ZBTB38: variants seen among roughly 807,000 people sequenced by gnomAD.
The protein encoded by ZBTB38 is zinc finger and BTB domain containing 38.
ZBTB38 carries 20 observed loss-of-function variants against 76.8 expected under a neutral mutation model. That is an observed-to-expected ratio of 0.26 (90% CI 0.18 to 0.38). ZBTB38 has a LOEUF of 0.38. Among genes scored for constraint, ZBTB38 ranks in the 10% least tolerant of loss-of-function variants. The pLI, the probability that ZBTB38 is intolerant of heterozygous loss-of-function variation, is 1.00. For missense variants in ZBTB38, 1,082 were observed against 1,482.3 expected, an observed-to-expected ratio of 0.73 and a Z score of 4.43; for synonymous variants, 504 against 544.2, an observed-to-expected ratio of 0.93 and a Z score of 1.03.
chr3:141,414,844 G>A (rs943331432), intron 5 of ZBTB38, among the ~76,000 whole-genome samples: 1 of 152,142 alleles, frequency 6.6e-6, no homozygotes, highest in Non-Finnish European at 1.5e-5. Context: ...ACTAGGCCTA[G>A]ACTGGGACAA....
At position 141,374,953 on chromosome 3, in the gene ZBTB38, G is replaced by A. The variant is rs1436108411; in HGVS notation, c.-235+5007G>A. Among the ~76,000 whole-genome samples the A allele has an allele frequency of 4.0e-5, 6 of 151,214 alleles. 1 individual carries two copies. The highest frequency in any genetic ancestry group is 8.8e-5 in the Non-Finnish European group (6 of 68,004). On this transcript the variant is annotated intron_variant, in intron 2 of 5. Transcript: ENST00000321464. Reference sequence around the variant, plus strand: ...AAAATGCATGCTGCTAGGCCCCAGTGGTATTGGAAGCTCTGAGGAGGAGCC... The same window carrying A: ...AAAATGCATGCTGCTAGGCCCCAGTAGTATTGGAAGCTCTGAGGAGGAGCC...
At chr3:141,394,794 C>T (rs1456207427) in intron 4 of ZBTB38, among the ~76,000 whole-genome samples, 29 of 152,184 alleles carry the variant, frequency 1.9e-4, no homozygotes, top group Admixed American at 1.9e-3. Flanking sequence ...TCCTGCTAAG[C>T]TCTTATGGGA....
upstream of ZBTB38, among the ~76,000 whole-genome samples, chr3:141,364,000 T>G (rs1943888675): frequency 6.6e-6 from 1 of 152,170 alleles, no homozygotes; most frequent in South Asian, 2.1e-4. Flanking sequence ...AATTAAAAAC[T>G]TTTATGCTTC....
At chr3:141,409,384 A>T (rs1955853053) in intron 5 of ZBTB38, among the ~76,000 whole-genome samples, 1 of 152,130 alleles carries the variant, frequency 6.6e-6, no homozygotes, top group South Asian at 2.1e-4. Context: ...TGTCTGACTC[A>T]CAAGGCCAGC....
At chr3:141,411,294 A>G (rs1956537079) in intron 5 of ZBTB38, among the ~76,000 whole-genome samples, 1 of 152,200 alleles carries the variant, frequency 6.6e-6, no homozygotes, top group Non-Finnish European at 1.5e-5. Flanking sequence ...AGACACCTAA[A>G]TGAGGATTTC....
chr3:141,407,289 C>G (rs747253805), intron 5 of ZBTB38, among the ~76,000 whole-genome samples: 2 of 152,208 alleles, frequency 1.3e-5, no homozygotes, highest in Non-Finnish European at 2.9e-5. Context: ...TCAGATAAAT[C>G]TAGTTTCACA....
Position 141,445,544 on chromosome 3 carries a change from C to T in ZBTB38, c.3156C>T (p.Asn1052=). ...TCGRCFSVQG[N]LQKHERIHLG... ...GACGGTGCTTTTCGGTGCAAGGAAA[C>T]TTACAGAAACATGAACGCATCCACC... The change falls in exon 6 of 6, where the codon AAC becomes AAT. Residue 1052 remains asparagine, a synonymous_variant. Coordinates refer to ENST00000321464, the MANE Select transcript of ZBTB38 (RefSeq NM_001376113.1). The surrounding 1 kb of genome is among the most constrained non-coding windows in gnomAD (Gnocchi z 6.5). 2 of 1,614,238 alleles carry T rather than the reference C, an allele frequency of 1.2e-6. No individual in the cohort carries two copies. Among genetic ancestry groups the T allele is most frequent in the Middle Eastern group, 3.3e-4 (2 of 6,062 alleles).
intron 5 of ZBTB38, among the ~76,000 whole-genome samples, chr3:141,415,288 C>T (rs2073726504): frequency 6.6e-6 from 1 of 152,096 alleles, no homozygotes; most frequent in Non-Finnish European, 1.5e-5. Flanking sequence ...CAAGTTTCTG[C>T]CATTATAAGT....
At position 141,444,601 on chromosome 3, in the gene ZBTB38, G is replaced by A; in HGVS notation, c.2213G>A (p.Ser738Asn). ...MHSNAIAAMTSSNHRAFSDPA... is the reference protein window; with the variant it reads ...MHSNAIAAMTNSNHRAFSDPA... ...AGCAATGCCATTGCTGCCATGACCA[G>A]CAGCAACCACAGAGCCTTTTCAGAC... The change falls in exon 6 of 6, where the codon AGC becomes AAC. Residue 738 changes from serine to asparagine, a missense_variant. Physicochemically the swap from Ser to Asn is conservative, Grantham distance 46. Transcript: ENST00000321464. The surrounding 1 kb of genome is among the most constrained non-coding windows in gnomAD (Gnocchi z 5.1). The A allele has an allele frequency of 6.2e-7, 1 of 1,614,214 alleles. No homozygotes were observed. The highest frequency in any genetic ancestry group is 8.5e-7 in the Non-Finnish European group (1 of 1,180,044).
intron 5 of ZBTB38, among the ~76,000 whole-genome samples, chr3:141,441,053 AAAG>A (rs1351931103): frequency 1.3e-5 from 2 of 151,722 alleles, no homozygotes; most frequent in African/African-American, 2.4e-5. Flanking sequence ...AAAAAAAAGA[AAAG>A]AAAAAGAAAG....
At position 141,443,281 on chromosome 3, in the gene ZBTB38, C is replaced by T. The variant is rs1259839385; in HGVS notation, c.893C>T (p.Pro298Leu). ...SNLEVNQERS[P>L]QPAAVLTRSK... ...TTAGAGGTTAATCAAGAAAGAAGTC[C>T]ACAACCAGCTGCTGTTCTCACTCGT... is the stretch of plus-strand genomic sequence containing the variant. Residue 298 changes from proline to leucine, a missense_variant, in exon 6 of 6, where the codon CCA (proline) becomes CTA (leucine). Pro to Leu is a moderately conservative substitution (Grantham distance 98). This residue lies in a region of ZBTB38 where 324 missense variants were observed against 359.1 expected (regional missense o/e 0.90). Transcript: ENST00000321464. The surrounding 1 kb of genome is among the most constrained non-coding windows in gnomAD (Gnocchi z 5.6). 1 of 1,614,112 alleles carries T rather than the reference C, an allele frequency of 6.2e-7. No homozygotes were observed. Among genetic ancestry groups the T allele is most frequent in the African/African-American group, 1.3e-5 (1 of 74,938 alleles).
intron 1 of ZBTB38, among the ~76,000 whole-genome samples, chr3:141,327,289 AG>A (rs1352470718): frequency 6.6e-6 from 1 of 152,174 alleles, no homozygotes; most frequent in Non-Finnish European, 1.5e-5. Context: ...CAGCATGGAA[AG>A]GGGGAAAAAG....
At chr3:141,429,692 G>T (rs981670451) in intron 5 of ZBTB38, among the ~76,000 whole-genome samples, 2 of 152,218 alleles carry the variant, frequency 1.3e-5, no homozygotes, top group South Asian at 4.1e-4. Context: ...TAAACAAGGT[G>T]ATGTGAGGGC....
intron 1 of ZBTB38, among the ~76,000 whole-genome samples, chr3:141,349,914 T>C (rs1290846955): frequency 2.0e-5 from 3 of 152,096 alleles, no homozygotes; most frequent in African/African-American, 7.2e-5. Flanking sequence ...AATCAGAGCA[T>C]TGTTAGAAGC....
At position 141,342,729 on chromosome 3, in the gene ZBTB38, T is replaced by TTTA. The variant is rs1385636138; in HGVS notation, c.-739+18275_-739+18276insATT. On this transcript the variant is annotated intron_variant, in intron 1 of 7. Transcript: ENST00000509842. Reference sequence around the variant, plus strand: ...AGGGCAATAAGGTCCCATGATCTTTTTTTTTTTTTTTTTTTTTTAATGCAC... The same window carrying TTTA: ...AGGGCAATAAGGTCCCATGATCTTTTTTATTTTTTTTTTTTTTTTTTAATGCAC... Among the ~76,000 whole-genome samples, 28 of 143,770 alleles carry TTTA rather than the reference T, an allele frequency of 1.9e-4. No homozygotes were observed. The East Asian group carries it at 5.4e-3, about 28-fold the overall frequency. The allele number at this position is 143,770 out of a possible 152,430, so 94.3% of individuals were successfully genotyped here. A position where few individuals can be genotyped will look rare whatever the true frequency, so the allele number is the denominator to read the frequency against.
At chr3:141,337,458 C>T (rs1943047953) in intron 1 of ZBTB38, among the ~76,000 whole-genome samples, 1 of 152,190 alleles carries the variant, frequency 6.6e-6, no homozygotes, top group Admixed American at 6.5e-5. Flanking sequence ...TTGAATCATC[C>T]CCTCCAACCC....
At chr3:141,378,519 G>T (rs1945729156) in intron 2 of ZBTB38, among the ~76,000 whole-genome samples, 1 of 152,220 alleles carries the variant, frequency 6.6e-6, no homozygotes, top group Non-Finnish European at 1.5e-5. Context: ...AGTAGACACT[G>T]TATAACTTCT....
intron 5 of ZBTB38, among the ~76,000 whole-genome samples, chr3:141,421,679 G>T (rs1159055046): frequency 6.6e-6 from 1 of 152,110 alleles, no homozygotes; most frequent in Non-Finnish European, 1.5e-5. Context: ...ACACTGGCTG[G>T]AGCCGTCCTC....
intron 1 of ZBTB38, among the ~76,000 whole-genome samples, chr3:141,332,767 A>T (rs1485014886): frequency 6.6e-6 from 1 of 152,216 alleles, no homozygotes; most frequent in Admixed American, 6.5e-5. Flanking sequence ...TATCTTCTGT[A>T]CTGAGGTTTC....
Sources: gnomAD v4.1 joint callset for allele counts (sites outside exome capture counted in the v4.1 genomes callset) on GRCh38, gnomAD v4.1.1 for gene constraint, gnomAD v4.1.1 regional missense constraint, Gnocchi (gnomAD v3.1) non-coding constraint, MANE v1.5 for transcripts, NCBI Gene and HGNC (gene_info 2026-07-23, HGNC 2026-07-21) for gene names.